HHAT: variants seen among roughly 807,000 people sequenced by gnomAD.
HHAT encodes hedgehog acyltransferase.
A neutral mutation model predicts 70.8 loss-of-function variants in HHAT; 47 were observed. The ratio of observed to expected loss-of-function variants is 0.66; its 90% CI spans 0.53 to 0.85. HHAT has a LOEUF of 0.85. HHAT is among the 40% of genes least tolerant of loss of function. The probability of loss-of-function intolerance (pLI) is 0.00; values close to 1 mark genes in which losing one functional copy is unlikely to be tolerated. For synonymous variants in HHAT, 228 were observed against 247.6 expected, an observed-to-expected ratio of 0.92 and a Z score of 0.74; for missense variants, 609 against 604.8, an observed-to-expected ratio of 1.01 and a Z score of -0.07.
chr1:210,544,412 G>A (rs1573197593), intron 9 of HHAT, among the ~76,000 whole-genome samples: 2 of 90,512 alleles, frequency 2.2e-5, no homozygotes, highest in African/African-American at 8.9e-5. Context: ...TGCTCTTGTT[G>A]CCCAAGCGGG....
intron 8 of HHAT, among the ~76,000 whole-genome samples, chr1:210,480,729 C>A (rs1446011016): frequency 1.3e-5 from 2 of 152,178 alleles, no homozygotes; most frequent in Admixed American, 6.5e-5. Context: ...CTTTGTTCCC[C>A]ATCCAGCCTC....
At chr1:210,430,004 A>G (rs1352151650) in intron 7 of HHAT, among the ~76,000 whole-genome samples, 2 of 151,958 alleles carry the variant, frequency 1.3e-5, no homozygotes, top group East Asian at 3.8e-4. Flanking sequence ...ACAGTTTATC[A>G]TAAAAAGCCA....
chr1:210,417,145 A>AAATTTATCAGGTGTTTT (rs2092745855), intron 6 of HHAT, among the ~76,000 whole-genome samples: 1 of 152,218 alleles, frequency 6.6e-6, no homozygotes, highest in Non-Finnish European at 1.5e-5. Context: ...TTTAAAGAAG[A>AAATTTATCAGGTGTTTT]CCTGATAAAT....
intron 7 of HHAT, among the ~76,000 whole-genome samples, chr1:210,437,199 T>G (rs893136766): frequency 4.6e-5 from 7 of 151,936 alleles, no homozygotes; most frequent in African/African-American, 1.7e-4. Context: ...TTTGATAGAC[T>G]ATTCTGTAAG....
Position 210,329,177 on chromosome 1 carries a change from A to T in HHAT, c.-44+73A>T, listed in dbSNP as rs989063868. 2.1e-5 allele frequency: 18 copies of T among 876,226 alleles called. No homozygotes were observed. The African/African-American group carries it at 3.7e-4, about 18-fold the overall frequency. 54.3% of individuals were successfully genotyped at this position (876,226 alleles called of 1,614,324 possible). Reference sequence around the variant, plus strand: ...ATTTTCTGCGTCAGTTTACTCTGTTAAAAAAAAAATGCACAAAACGCTTTC... The same window carrying T: ...ATTTTCTGCGTCAGTTTACTCTGTTTAAAAAAAAATGCACAAAACGCTTTC... On this transcript the variant is annotated intron_variant, in intron 1 of 11. Transcript: ENST00000261458.
intron 10 of HHAT, among the ~76,000 whole-genome samples, chr1:210,604,634 C>G (rs1020495721): frequency 6.6e-6 from 1 of 152,042 alleles, no homozygotes; most frequent in African/African-American, 2.4e-5. Flanking sequence ...ATACTGTTGT[C>G]TAACTAAAAA....
At chr1:210,394,432 T>C (rs2091661063) in intron 4 of HHAT, among the ~76,000 whole-genome samples, 1 of 152,040 alleles carries the variant, frequency 6.6e-6, no homozygotes, top group Non-Finnish European at 1.5e-5. Context: ...TTTGTTATGA[T>C]TGGATTGGAT....
intron 8 of HHAT, among the ~76,000 whole-genome samples, chr1:210,496,456 AG>A (rs1200762346): frequency 2.6e-5 from 4 of 152,210 alleles, no homozygotes; most frequent in Non-Finnish European, 5.9e-5. Context: ...CTCTTCTGTT[AG>A]TCACATCTAG....
intron 9 of HHAT, among the ~76,000 whole-genome samples, chr1:210,526,548 A>G (rs1169928840): frequency 6.6e-6 from 1 of 152,084 alleles, no homozygotes; most frequent in African/African-American, 2.4e-5. Flanking sequence ...CAGCCTGTGG[A>G]ATGGAAAAGG....
At chr1:210,491,605 AC>A (rs548778122) in intron 8 of HHAT, among the ~76,000 whole-genome samples, 153 of 152,302 alleles carry the variant, frequency 1.0e-3, no homozygotes, top group Admixed American at 3.1e-3. Context: ...GAGTTCTAAC[AC>A]ATACTAAACA....
intron 9 of HHAT, among the ~76,000 whole-genome samples, chr1:210,527,110 A>G (rs1182746545): frequency 2.6e-5 from 4 of 152,138 alleles, no homozygotes; most frequent in Admixed American, 2.6e-4. Context: ...GTAACCAACC[A>G]TTTGATAAGA....
At chr1:210,333,211 G>A (rs1373651076) in intron 1 of HHAT, among the ~76,000 whole-genome samples, 1 of 152,160 alleles carries the variant, frequency 6.6e-6, no homozygotes, top group Non-Finnish European at 1.5e-5. Flanking sequence ...GAGTCTGCAA[G>A]CAATTGATTT....
intron 11 of HHAT, among the ~76,000 whole-genome samples, chr1:210,628,186 A>T (rs927602531): frequency 3.9e-5 from 6 of 152,044 alleles, no homozygotes; most frequent in Non-Finnish European, 8.8e-5. Flanking sequence ...AAAGTATTCA[A>T]GGGGGGGTGT....
At chr1:210,357,013 A>G (rs2087703560) in intron 2 of HHAT, among the ~76,000 whole-genome samples, 1 of 152,250 alleles carries the variant, frequency 6.6e-6, no homozygotes, top group African/African-American at 2.4e-5. Context: ...TGAAGCATTA[A>G]CAGTGAGTGT....
intron 2 of HHAT, among the ~76,000 whole-genome samples, chr1:210,360,992 G>T (rs965731036): frequency 6.6e-6 from 1 of 151,940 alleles, no homozygotes; most frequent in African/African-American, 2.4e-5. Context: ...TCCCACTAGA[G>T]GGAGATATGT....
chr1:210,486,994 T>TTTAAAATAAA (rs2094482104), intron 8 of HHAT, among the ~76,000 whole-genome samples: 1 of 152,198 alleles, frequency 6.6e-6, no homozygotes, highest in South Asian at 2.1e-4. Context: ...CTTAGAGCCA[T>TTTAAAATAAA]ATAATTATTT....
At chr1:210,340,231 ACT>A (rs1252574154) in intron 1 of HHAT, among the ~76,000 whole-genome samples, 4 of 110,324 alleles carry the variant, frequency 3.6e-5, no homozygotes, top group African/African-American at 1.1e-4. Flanking sequence ...ATAGAGCAAG[ACT>A]CTGTCTCAGA....
At chr1:210,459,037 GA>G (rs1558558093) in intron 7 of HHAT, among the ~76,000 whole-genome samples, 1 of 152,150 alleles carries the variant, frequency 6.6e-6, no homozygotes, top group Non-Finnish European at 1.5e-5. Context: ...TTTTCAGGGG[GA>G]GAAGCTAAAT....
At chr1:210,480,287 G>A (rs2094374068) in intron 8 of HHAT, among the ~76,000 whole-genome samples, 1 of 152,210 alleles carries the variant, frequency 6.6e-6, no homozygotes, top group African/African-American at 2.4e-5. Context: ...CAGACTGCAA[G>A]CTGAGGAGTC....
Sources: gnomAD v4.1 joint callset for allele counts (sites outside exome capture counted in the v4.1 genomes callset) on GRCh38, gnomAD v4.1.1 for gene constraint, MANE v1.5 for transcripts, NCBI Gene and HGNC (gene_info 2026-07-23, HGNC 2026-07-21) for gene names.